Variants in COG5 observed in about 807,000 individuals in gnomAD.
COG5 encodes conserved oligomeric Golgi complex subunit 5.
In COG5, 86 loss-of-function variants were observed where a neutral mutation model predicts 110.4. The observed-to-expected ratio is 0.78, with a 90% CI of 0.65 to 0.93. COG5 has a LOEUF of 0.93. COG5 is among the 40% of genes least tolerant of loss of function. COG5 has a pLI of 0.00. For missense variants in COG5, 1,077 were observed against 987.0 expected, an observed-to-expected ratio of 1.09 and a Z score of -1.22; for synonymous variants, 360 against 334.6, an observed-to-expected ratio of 1.08 and a Z score of -0.83.
At chr7:107,203,870 G>A (rs1798549284) in intron 21 of COG5, among the ~76,000 whole-genome samples, 1 of 152,106 alleles carries the variant, frequency 6.6e-6, no homozygotes, top group Non-Finnish European at 1.5e-5. Context: ...TGTTCTTAGT[G>A]GTCTAGTCAT....
At chr7:107,331,416 C>A (rs992496096) in intron 10 of COG5, among the ~76,000 whole-genome samples, 3 of 151,650 alleles carry the variant, frequency 2.0e-5, no homozygotes, top group Admixed American at 1.3e-4. Flanking sequence ...TGCAGTGAGC[C>A]GAGATCACAG....
At chr7:107,247,409 A>G (rs1393248715) in intron 17 of COG5, among the ~76,000 whole-genome samples, 2 of 152,226 alleles carry the variant, frequency 1.3e-5, no homozygotes, top group South Asian at 2.1e-4. Flanking sequence ...TGTAAATGAA[A>G]TAATAAGTTG....
intron 19 of COG5, among the ~76,000 whole-genome samples, chr7:107,219,937 A>G (rs1424708739): frequency 6.6e-6 from 1 of 152,232 alleles, no homozygotes; most frequent in Admixed American, 6.5e-5. Context: ...ATAAGTGTAT[A>G]CAATAAACAA....
intron 19 of COG5, among the ~76,000 whole-genome samples, chr7:107,224,557 G>A (rs571059200): frequency 6.6e-6 from 1 of 152,338 alleles, no homozygotes; most frequent in Admixed American, 6.5e-5. Context: ...AGCAAAGGTG[G>A]TGAGGCCTGC....
intron 3 of COG5, among the ~76,000 whole-genome samples, chr7:107,548,968 G>A (rs1802675124): frequency 6.6e-6 from 1 of 152,176 alleles, no homozygotes. Context: ...AACTGGCATA[G>A]TTGTTTTGAA....
intron 10 of COG5, among the ~76,000 whole-genome samples, chr7:107,351,672 A>G (rs1326023562): frequency 3.3e-5 from 5 of 152,224 alleles, no homozygotes; most frequent in Non-Finnish European, 7.3e-5. Flanking sequence ...ACACTTCTCA[A>G]AAGAAGACAT....
chr7:107,328,251 T>A (rs539420948), intron 10 of COG5, among the ~76,000 whole-genome samples: 1 of 152,320 alleles, frequency 6.6e-6, no homozygotes, highest in South Asian at 2.1e-4. Flanking sequence ...AACTTGTACA[T>A]GTCATTGTAA....
intron 6 of COG5, among the ~76,000 whole-genome samples, chr7:107,414,901 G>C (rs1331025087): frequency 1.3e-5 from 2 of 151,124 alleles, no homozygotes; most frequent in Non-Finnish European, 3.0e-5. Flanking sequence ...CTAATTTTTT[G>C]TATTTTAGTA....
chr7:107,503,059 G>C lies in COG5; in HGVS notation c.538+24178C>G, dbSNP rs192366535. Among the ~76,000 whole-genome samples the C allele has an allele frequency of 2.4e-3, 364 of 152,212 alleles. 1 individual carries two copies. Among genetic ancestry groups the C allele is most frequent in the Non-Finnish European group, 3.8e-3 (259 of 67,984 alleles). The stretch of plus-strand genomic sequence containing the variant: ...TGTTGCATTTGCTTTTGGGATTTCA[G>C]TCATGAATACTTTGTCTAGGCCAAT... On this transcript the variant is annotated intron_variant, in intron 6 of 21. Coordinates refer to ENST00000297135, the MANE Select transcript of COG5 (RefSeq NM_006348.5).
intron 15 of COG5, among the ~76,000 whole-genome samples, chr7:107,257,763 G>C (rs533272252): frequency 2.0e-5 from 3 of 151,998 alleles, no homozygotes; most frequent in Admixed American, 1.3e-4. Flanking sequence ...ATTTCTAGTA[G>C]AAAAATAGCA....
chr7:107,521,271 A>T (rs1242935516), intron 6 of COG5, among the ~76,000 whole-genome samples: 1 of 152,228 alleles, frequency 6.6e-6, no homozygotes, highest in East Asian at 1.9e-4. Context: ...AAGCAAATGC[A>T]ACAAAAACAA....
At chr7:107,461,778 T>G (rs1173913406) in intron 6 of COG5, among the ~76,000 whole-genome samples, 1 of 152,234 alleles carries the variant, frequency 6.6e-6, no homozygotes, top group Non-Finnish European at 1.5e-5. Flanking sequence ...TTTAAAATAT[T>G]GTTTGTAATA....
Position 107,439,872 on chromosome 7 carries a change from G to A in COG5, c.539-27240C>T, listed in dbSNP as rs117601737. Among the ~76,000 whole-genome samples, 526 of 152,284 alleles carry A rather than the reference G, an allele frequency of 3.5e-3. 2 individuals are homozygous for A. The highest frequency in any genetic ancestry group is 0.02 in the Middle Eastern group (6 of 294). ...AAGGAGAAGGAGAGAAGGACTCTAAGTTTGGTAAGGTGAACTTGCAAAGGG... is the reference window on the plus strand; with the variant it reads ...AAGGAGAAGGAGAGAAGGACTCTAAATTTGGTAAGGTGAACTTGCAAAGGG... On this transcript the variant is annotated intron_variant, in intron 6 of 21. Transcript: ENST00000297135.
At chr7:107,506,186 G>T (rs1563071770) in intron 6 of COG5, among the ~76,000 whole-genome samples, 1 of 152,300 alleles carries the variant, frequency 6.6e-6, no homozygotes, top group East Asian at 1.9e-4. Flanking sequence ...ATTCTACCTG[G>T]AGATGATGTA....
chr7:107,340,834 C>T (rs1811115972), intron 10 of COG5, among the ~76,000 whole-genome samples: 1 of 151,966 alleles, frequency 6.6e-6, no homozygotes, highest in Non-Finnish European at 1.5e-5. Context: ...ATCTAATATC[C>T]TTCATAAAAA....
At chr7:107,459,345 A>G (rs1795851465) in intron 6 of COG5, among the ~76,000 whole-genome samples, 1 of 152,060 alleles carries the variant, frequency 6.6e-6, no homozygotes, top group African/African-American at 2.4e-5. Flanking sequence ...AAAGACATGT[A>G]TTTCATAGCA....
chr7:107,230,801 G>C, intron 18 of COG5, 110 bp from the exon 19 acceptor site: 1 of 821,482 alleles, frequency 1.2e-6, no homozygotes, highest in Non-Finnish European at 2.1e-6. Flanking sequence ...AATTTTATCT[G>C]GACTGTAAGG....
At chr7:107,438,478 T>C (rs1048555555) in intron 6 of COG5, among the ~76,000 whole-genome samples, 2 of 152,246 alleles carry the variant, frequency 1.3e-5, no homozygotes, top group Non-Finnish European at 2.9e-5. Flanking sequence ...CACTGCTTTA[T>C]CTTTCGTTGA....
At chr7:107,252,502 C>T (rs948267638) in intron 16 of COG5, among the ~76,000 whole-genome samples, 9 of 152,048 alleles carry the variant, frequency 5.9e-5, no homozygotes, top group African/African-American at 7.2e-5. Flanking sequence ...ACAAATTCTA[C>T]ACAAACTCTT....
Sources: gnomAD v4.1 joint callset for allele counts (sites outside exome capture counted in the v4.1 genomes callset) on GRCh38, gnomAD v4.1.1 for gene constraint, MANE v1.5 for transcripts, NCBI Gene and HGNC (gene_info 2026-07-23, HGNC 2026-07-21) for gene names.